The following IP6K3 variants were observed in gnomAD, a reference collection of about 807,000 sequenced individuals.
IP6K3 encodes inositol hexakisphosphate kinase 3.
Under a neutral mutation model 28.8 loss-of-function variants are expected in IP6K3, and 20 were observed. The ratio of observed to expected loss-of-function variants is 0.70; its 90% CI spans 0.49 to 1.01. IP6K3 has a LOEUF of 1.01. IP6K3 is among the 50% of genes least tolerant of loss of function. IP6K3 has a pLI of 0.00. For missense variants in IP6K3, 480 were observed against 537.1 expected, an observed-to-expected ratio of 0.89 and a Z score of 1.05; for synonymous variants, 213 against 221.3, an observed-to-expected ratio of 0.96 and a Z score of 0.33.
chr6:33,729,052 CA>C (rs999083003), intron 2 of IP6K3, among the ~76,000 whole-genome samples: 59 of 152,260 alleles, frequency 3.9e-4, no homozygotes, highest in African/African-American at 1.3e-3. Context: ...CATTGAGGCA[CA>C]AAAAAACACT....
At chr6:33,759,712 A>G in the IP6K3 span, among the ~76,000 whole-genome samples, 1 of 152,112 alleles carries the variant, frequency 6.6e-6, no homozygotes, top group African/African-American at 2.4e-5. Flanking sequence ...AAATAACAAC[A>G]ACAACAAAAA....
At chr6:33,728,661 A>C (rs1190571796) in intron 2 of IP6K3, among the ~76,000 whole-genome samples, 2 of 152,088 alleles carry the variant, frequency 1.3e-5, no homozygotes, top group Non-Finnish European at 2.9e-5. Flanking sequence ...CAGCCAACCC[A>C]GCTCTGCCTG....
In IP6K3 at chr6:33,744,143, C is replaced by T. The variant is rs1766825143; in HGVS notation, c.-180+2615G>A. On this transcript the variant is annotated intron_variant, in intron 1 of 5. Coordinates refer to ENST00000293756, the MANE Select transcript of IP6K3 (RefSeq NM_054111.5). This position sits in a 1 kb window ranked among gnomAD's most constrained non-coding sequence, Gnocchi z 4.4. ...CCTAATAGATCCTGACCCCTGGACA[C>T]GCAGCTCCTCAGCCATGGTTAGCAA... 6.6e-6 allele frequency among the ~76,000 whole-genome samples: 1 copy of T among 152,184 alleles called. No individual in the cohort carries two copies. Among genetic ancestry groups the T allele is most frequent in the Admixed American group, 6.5e-5 (1 of 15,282 alleles).
At position 33,744,725 on chromosome 6, in the gene IP6K3, C is replaced by T. The variant is rs1392457255; in HGVS notation, c.-180+2033G>A. 6.6e-6 allele frequency among the ~76,000 whole-genome samples: 1 copy of T among 152,228 alleles called. No individual in the cohort carries two copies. The highest frequency in any genetic ancestry group is 2.4e-5 in the African/African-American group (1 of 41,460). The stretch of plus-strand genomic sequence containing the variant: ...TTTGCCCAGACCTGTCCCAGAGAGC[C>T]TCGATGGCAGCTGAAGTTCTGCCTC... On this transcript the variant is annotated intron_variant, in intron 1 of 5. Coordinates refer to ENST00000293756, the MANE Select transcript of IP6K3 (RefSeq NM_054111.5). The surrounding 1 kb of genome is among the most constrained non-coding windows in gnomAD (Gnocchi z 4.4).
Position 33,746,194 on chromosome 6 carries a change from G to A in IP6K3, c.-180+564C>T, listed in dbSNP as rs73743330. 0.11 allele frequency among the ~76,000 whole-genome samples: 16,433 copies of A among 152,054 alleles called. 1,157 individuals carry two copies. Among genetic ancestry groups the A allele is most frequent in the African/African-American group, 0.19 (8,025 of 41,424 alleles). On this transcript the variant is annotated intron_variant, in intron 1 of 5. Coordinates refer to ENST00000293756, the MANE Select transcript of IP6K3 (RefSeq NM_054111.5). This position sits in a 1 kb window ranked among gnomAD's most constrained non-coding sequence, Gnocchi z 6.5. ...CTCCCACCCCCATGACCGCCATCCC[G>A]TGGTCTACCACCACCCTGCACCAGG...
At chr6:33,750,997 C>G (rs533710521), upstream of IP6K3, among the ~76,000 whole-genome samples, 62 of 152,334 alleles carry the variant, frequency 4.1e-4, no homozygotes, top group Non-Finnish European at 8.1e-4. This position sits in a 1 kb window ranked among gnomAD's most constrained non-coding sequence, Gnocchi z 4.3. Flanking sequence ...TCCTCCCATG[C>G]TGGGCTCCCC....
At chr6:33,751,773 C>A (rs879938090), upstream of IP6K3, among the ~76,000 whole-genome samples, 1 of 152,166 alleles carries the variant, frequency 6.6e-6, no homozygotes, top group African/African-American at 2.4e-5. This position sits in a 1 kb window ranked among gnomAD's most constrained non-coding sequence, Gnocchi z 4.3. Flanking sequence ...TTTCCGGCAG[C>A]CCTCGGTCAC....
chr6:33,759,397 A>G, the IP6K3 span, among the ~76,000 whole-genome samples: 1 of 152,014 alleles, frequency 6.6e-6, no homozygotes, highest in Non-Finnish European at 1.5e-5. Flanking sequence ...ACGCACCACT[A>G]CACCTGGCTA....
intron 1 of IP6K3, among the ~76,000 whole-genome samples, chr6:33,741,645 CAAAAAAAA>C (rs11403411): frequency 4.1e-4 from 12 of 29,376 alleles, no homozygotes; most frequent in African/African-American, 1.0e-3. Context: ...GACTCCATCT[CAAAAAAAA>C]AAAAAAAAAA....
At chr6:33,748,897 C>T (rs1766983123), upstream of IP6K3, among the ~76,000 whole-genome samples, 1 of 152,120 alleles carries the variant, frequency 6.6e-6, no homozygotes, top group Admixed American at 6.5e-5. Context: ...TGACTCCCCC[C>T]TGCAGGGTGA....
At chr6:33,760,997 G>A in the IP6K3 span, among the ~76,000 whole-genome samples, 2 of 152,160 alleles carry the variant, frequency 1.3e-5, no homozygotes, top group African/African-American at 4.8e-5. Context: ...GACTCTGAGA[G>A]GTTTGCATTT....
In IP6K3 at chr6:33,722,199, C is replaced by G; in HGVS notation, c.*521G>C. The G allele has an allele frequency of 6.6e-6, 1 of 151,762 alleles. No individual in the cohort carries two copies. The highest frequency in any genetic ancestry group is 6.5e-5 in the Admixed American group (1 of 15,378). The allele number at this position is 151,762 out of a possible 1,614,324, so 9.4% of individuals were successfully genotyped here. ...AGCAGATGAGATGGGTAGATCTCTT[C>G]TGCTTCATCCTGTGTCACCTAAAAC... On this transcript the variant is annotated 3_prime_UTR_variant, in exon 6 of 6. Transcript: ENST00000293756.
At chr6:33,725,027 G>A (rs1204120334) in intron 5 of IP6K3, among the ~76,000 whole-genome samples, 2 of 152,070 alleles carry the variant, frequency 1.3e-5, no homozygotes, top group South Asian at 2.1e-4. Flanking sequence ...AGATCACGAG[G>A]TCAGGAGATC....
chr6:33,731,932 G>T (rs927064325), intron 2 of IP6K3, among the ~76,000 whole-genome samples: 2 of 152,150 alleles, frequency 1.3e-5, no homozygotes, highest in African/African-American at 4.8e-5. Context: ...CCGAGACCAT[G>T]CCAGCTGGAC....
intron 1 of IP6K3, among the ~76,000 whole-genome samples, chr6:33,745,337 A>G (rs680229): frequency 0.96 from 146,527 of 152,268 alleles, 70,600 homozygotes; most frequent in Non-Finnish European, 0.99. Flanking sequence ...AGCAGAGGAC[A>G]GGGAGGGCCC....
chr6:33,734,761 G>T (rs1249770969), intron 2 of IP6K3, among the ~76,000 whole-genome samples: 1 of 152,194 alleles, frequency 6.6e-6, no homozygotes, highest in Non-Finnish European at 1.5e-5. Flanking sequence ...CCAGCTACAC[G>T]CAAGCGGCAG....
intron 5 of IP6K3, among the ~76,000 whole-genome samples, chr6:33,723,872 G>A (rs1403244231): frequency 6.6e-6 from 1 of 152,176 alleles, no homozygotes; most frequent in Non-Finnish European, 1.5e-5. Context: ...GTTGTGTCTT[G>A]GCCACCAGAA....
upstream of IP6K3, among the ~76,000 whole-genome samples, chr6:33,749,116 C>A (rs975674937): frequency 6.6e-6 from 1 of 152,208 alleles, no homozygotes; most frequent in East Asian, 1.9e-4. Context: ...CAGGGATGAG[C>A]AGGAGGCCCT....
intron 1 of IP6K3, among the ~76,000 whole-genome samples, chr6:33,745,116 G>A (rs754045510): frequency 1.7e-4 from 26 of 152,246 alleles, no homozygotes; most frequent in Non-Finnish European, 2.9e-4. Context: ...GCCACCCTGC[G>A]CCTCCCCAGC....
Sources: allele counts gnomAD v4.1 joint callset (sites outside exome capture counted in the v4.1 genomes callset), GRCh38; gene constraint gnomAD v4.1.1; non-coding constraint Gnocchi (gnomAD v3.1); transcripts MANE v1.5; gene names NCBI Gene and HGNC (gene_info 2026-07-23, HGNC 2026-07-21).